RPH3A: variants seen among roughly 807,000 people sequenced by gnomAD.
RPH3A encodes the protein rabphilin 3A.
RPH3A carries 48 observed loss-of-function variants against 102.2 expected under a neutral mutation model. The observed-to-expected ratio is 0.47, with a 90% CI of 0.37 to 0.60. RPH3A has a LOEUF of 0.60. Among genes scored for constraint, RPH3A ranks in the 20% least tolerant of loss-of-function variants. The pLI is 0.00. For synonymous variants in RPH3A, 310 were observed against 324.3 expected (o/e 0.96, Z 0.47); for missense variants, 781 against 910.1 (o/e 0.86, Z 1.83).
chr12:112,877,419 T>TACACACAC (rs3038114), intron 13 of RPH3A, among the ~76,000 whole-genome samples: 2,195 of 141,622 alleles, frequency 0.015, 50 homozygotes, highest in African/African-American at 0.053. Flanking sequence ...CACACACGTA[T>TACACACAC]ACACACACAC....
intron 1 of RPH3A, among the ~76,000 whole-genome samples, chr12:112,683,715 C>T (rs1225162783): frequency 1.3e-5 from 2 of 152,124 alleles, no homozygotes; most frequent in African/African-American, 4.8e-5. Flanking sequence ...GATTCCCACA[C>T]CTCTTTTGTT....
chr12:112,648,591 A>AAAAAAAAAAAAAAC (rs1566241874), intron 1 of RPH3A, among the ~76,000 whole-genome samples: 1 of 134,066 alleles, frequency 7.5e-6, no homozygotes, highest in Non-Finnish European at 1.6e-5. Context: ...AAAAAAAAAA[A>AAAAAAAAAAAAAAC]AAAAAAAGCT....
intron 1 of RPH3A, among the ~76,000 whole-genome samples, chr12:112,584,813 C>T (rs1016652600): frequency 6.6e-6 from 1 of 152,034 alleles, no homozygotes; most frequent in African/African-American, 2.4e-5. Context: ...TGCAGAGGGA[C>T]GGTGTATTAG....
At chr12:112,821,692 A>T (rs926050734) in intron 2 of RPH3A, among the ~76,000 whole-genome samples, 3 of 151,490 alleles carry the variant, frequency 2.0e-5, no homozygotes, top group African/African-American at 7.3e-5. Context: ...TCCCTCTTTT[A>T]TTTTTCTCTA....
At chr12:112,745,413 TC>T (rs2040737808) in intron 1 of RPH3A, among the ~76,000 whole-genome samples, 1 of 152,226 alleles carries the variant, frequency 6.6e-6, no homozygotes, top group Admixed American at 6.5e-5. Flanking sequence ...ACACTTTCAC[TC>T]ATTGGTTTTA....
At chr12:112,596,889 T>C (rs2039521048) in intron 1 of RPH3A, among the ~76,000 whole-genome samples, 1 of 152,244 alleles carries the variant, frequency 6.6e-6, no homozygotes, top group Non-Finnish European at 1.5e-5. Flanking sequence ...TAACTCCTTT[T>C]TGTAATGTTT....
At chr12:112,615,655 TTC>T (rs1222280751) in intron 1 of RPH3A, among the ~76,000 whole-genome samples, 1 of 152,164 alleles carries the variant, frequency 6.6e-6, no homozygotes, top group East Asian at 1.9e-4. Flanking sequence ...GTACCTTGCC[TTC>T]TCTTTTTGCC....
intron 1 of RPH3A, among the ~76,000 whole-genome samples, chr12:112,764,008 C>A (rs1017523558): frequency 4.6e-5 from 7 of 152,130 alleles, no homozygotes; most frequent in Non-Finnish European, 1.0e-4. Flanking sequence ...CATCTTCTGC[C>A]TAAGGGCAGC....
chr12:112,794,685 C>G (rs748139099), intron 2 of RPH3A, among the ~76,000 whole-genome samples: 2 of 152,194 alleles, frequency 1.3e-5, no homozygotes, highest in Admixed American at 6.5e-5. Flanking sequence ...GAGCACCCCC[C>G]CAAGTTCAGG....
chr12:112,635,832 T>A (rs911045421), intron 1 of RPH3A, among the ~76,000 whole-genome samples: 8 of 152,178 alleles, frequency 5.3e-5, no homozygotes, highest in Admixed American at 5.2e-4. Context: ...CTTCTTCTTC[T>A]TCCTGTATGA....
intron 1 of RPH3A, among the ~76,000 whole-genome samples, chr12:112,683,718 CTTT>C (rs1257753255): frequency 6.6e-6 from 1 of 152,142 alleles, no homozygotes; most frequent in Non-Finnish European, 1.5e-5. Context: ...TCCCACACCT[CTTT>C]TGTTGATGAC....
chr12:112,870,086 C>T, intron 10 of RPH3A, 47 bp downstream of exon 10: 1 of 1,555,878 alleles, frequency 6.4e-7, no homozygotes, highest in South Asian at 1.2e-5. Flanking sequence ...GATAGGGAGA[C>T]TCAAAAAGAA....
At chr12:112,759,195 T>C (rs1363118935) in intron 1 of RPH3A, among the ~76,000 whole-genome samples, 1 of 152,136 alleles carries the variant, frequency 6.6e-6, no homozygotes, top group Non-Finnish European at 1.5e-5. Context: ...AAAATAAGTC[T>C]TGAATCCTCC....
At chr12:112,849,560 C>T (rs1434801030) in intron 5 of RPH3A, among the ~76,000 whole-genome samples, 1 of 152,094 alleles carries the variant, frequency 6.6e-6, no homozygotes, top group Non-Finnish European at 1.5e-5. Context: ...TCTTGCATGG[C>T]ACTTACCACC....
chr12:112,712,984 G>A (rs57588350), intron 1 of RPH3A, among the ~76,000 whole-genome samples: 17 of 59,844 alleles, frequency 2.8e-4, no homozygotes, highest in African/African-American at 8.8e-4. Flanking sequence ...TTTCTTCTTC[G>A]TCGTCTTTGT....
At chr12:112,737,557 G>C (rs1003008577) in intron 1 of RPH3A, among the ~76,000 whole-genome samples, 1 of 152,140 alleles carries the variant, frequency 6.6e-6, no homozygotes, top group Non-Finnish European at 1.5e-5. Flanking sequence ...GACATGCCAT[G>C]ACTTCCCATT....
At chr12:112,873,171 C>T (rs949548025) in intron 10 of RPH3A, among the ~76,000 whole-genome samples, 1 of 152,190 alleles carries the variant, frequency 6.6e-6, no homozygotes, top group African/African-American at 2.4e-5. Context: ...ACTTATTGAG[C>T]ATCTACTCTC....
intron 1 of RPH3A, among the ~76,000 whole-genome samples, chr12:112,580,063 A>G (rs1289094869): frequency 1.3e-5 from 2 of 152,222 alleles, no homozygotes; most frequent in Non-Finnish European, 2.9e-5. Context: ...TGCTATGGAT[A>G]GAGAGAGGAA....
In RPH3A at chr12:112,839,866, G is replaced by A. The variant is rs1182039182; in HGVS notation, c.83+3364G>A. Among the ~76,000 whole-genome samples the A allele has an allele frequency of 2.0e-5, 3 of 152,164 alleles. No homozygotes were observed. The East Asian group carries it at 5.8e-4, about 29-fold the overall frequency. On this transcript the variant is annotated intron_variant, in intron 4 of 21. Coordinates refer to ENST00000389385, the MANE Select transcript of RPH3A (RefSeq NM_001143854.2). Reference sequence around the variant, plus strand: ...TATCTGGGTGTGGTGGTGCATGCCTGTAGTCCCAGCTACTCAGGAGGCTGA... The same window carrying A: ...TATCTGGGTGTGGTGGTGCATGCCTATAGTCCCAGCTACTCAGGAGGCTGA...
Sources: allele counts gnomAD v4.1 joint callset (sites outside exome capture counted in the v4.1 genomes callset), GRCh38; gene constraint gnomAD v4.1.1; transcripts MANE v1.5; gene names NCBI Gene and HGNC (gene_info 2026-07-23, HGNC 2026-07-21).